Variants in SSC4D observed in about 807,000 individuals in gnomAD.
SSC4D encodes scavenger receptor cysteine-rich domain-containing group B protein.
SSC4D carries 57 observed loss-of-function variants against 63.4 expected under a neutral mutation model. The ratio of observed to expected loss-of-function variants is 0.90; its 90% CI spans 0.73 to 1.12. SSC4D has a LOEUF of 1.12. SSC4D is among the 50% of genes most tolerant of loss of function. The probability of loss-of-function intolerance (pLI) is 0.00; values close to 1 mark genes in which losing one functional copy is unlikely to be tolerated. For synonymous variants in SSC4D, 352 were observed against 345.4 expected (o/e 1.02, Z -0.21); for missense variants, 791 against 806.4 (o/e 0.98, Z 0.23).
intron 9 of SSC4D, among the ~76,000 whole-genome samples, 185 bp downstream of exon 9, chr7:76,393,220 T>A (rs1804532736): frequency 6.6e-6 from 1 of 151,926 alleles, no homozygotes; most frequent in Admixed American, 6.6e-5. Flanking sequence ...AGGCTCTCCG[T>A]TCCGGCCTCG....
chr7:76,408,955 C>T (rs1314708615), intron 1 of SSC4D, among the ~76,000 whole-genome samples: 5 of 152,208 alleles, frequency 3.3e-5, no homozygotes, highest in Non-Finnish European at 7.3e-5. Flanking sequence ...CAAAGCCTCA[C>T]TGTTCTCATC....
In SSC4D at chr7:76,390,346, G is replaced by A. The variant is rs768685581; in HGVS notation, c.1441C>T (p.Arg481Ter). The change falls in exon 11 of 11, where the codon CGA (arginine) becomes TGA (stop). Residue 481 changes from arginine to a stop codon, truncating the protein, a stop_gained. Coordinates refer to ENST00000275560, the MANE Select transcript of SSC4D (RefSeq NM_080744.2). LOFTEE classifies it high-confidence loss of function. Reference sequence around the variant, plus strand: ...TAGAGCTCTACACGTCCCTCGCATCGGTGGGCTCCATTGACCAGACGTAGA... The same window carrying A: ...TAGAGCTCTACACGTCCCTCGCATCAGTGGGCTCCATTGACCAGACGTAGA... Reference protein sequence around the residue: ...GHLRLVNGAHRCEGRVELYLG... With the variant: ...GHLRLVNGAH The A allele has an allele frequency of 2.2e-5, 36 of 1,602,522 alleles. No homozygotes were observed. Among genetic ancestry groups the A allele is most frequent in the South Asian group, 2.0e-4 (18 of 89,562 alleles).
At chr7:76,405,791 G>C (rs1172722927) in intron 1 of SSC4D, among the ~76,000 whole-genome samples, 2 of 152,028 alleles carry the variant, frequency 1.3e-5, no homozygotes, top group Admixed American at 6.6e-5. Flanking sequence ...GTGGGAGAGG[G>C]GGTTGGCAGG....
chr7:76,398,037 G>A (rs1167194583), intron 5 of SSC4D, among the ~76,000 whole-genome samples: 2 of 152,018 alleles, frequency 1.3e-5, no homozygotes, highest in African/African-American at 2.4e-5. Flanking sequence ...CCCCTACCCT[G>A]CTCCCTGTCT....
chr7:76,398,778 G>A lies in SSC4D; in HGVS notation c.495C>T (p.Pro165=), dbSNP rs1804722391. The A allele has an allele frequency of 6.2e-7, 1 of 1,612,800 alleles. No individual in the cohort carries two copies. The highest frequency in any genetic ancestry group is 1.1e-5 in the South Asian group (1 of 91,054). Residue 165 remains proline, a synonymous_variant, in exon 5 of 11, where the codon CCC becomes CCT. Transcript: ENST00000275560. ...TACTGGTTAACATCTTCCTTGTTGG[G>A]GGCTGCGTTGGCAAGAATTCTGGAA... The part of the protein sequence containing the change: ...VLCDEFLPTQ[P]PTRKMLTSRA...
intron 4 of SSC4D, among the ~76,000 whole-genome samples, chr7:76,400,071 T>C (rs541693375): frequency 6.6e-6 from 1 of 152,300 alleles, no homozygotes; most frequent in Admixed American, 6.5e-5. Flanking sequence ...GCAGTAGTGC[T>C]GGTTTTCTTT....
intron 6 of SSC4D, among the ~76,000 whole-genome samples, chr7:76,396,155 T>C (rs752961399): frequency 6.6e-6 from 1 of 151,782 alleles, no homozygotes; most frequent in Middle Eastern, 3.4e-3. Context: ...ATCTCTTGAG[T>C]GGGGAATGGG....
chr7:76,397,770 G>T lies in SSC4D; in HGVS notation c.616C>A (p.His206Asn). ...CACACGGTGCCCCACAGGCCACTGT[G>T]CAGGATCTCCACTCGGCCCTGACAC... ...NLCQGRVEILHSGLWGTVCDD... is the reference protein window; with the variant it reads ...NLCQGRVEILNSGLWGTVCDD... The change falls in exon 6 of 11, where the codon CAC (histidine) becomes AAC (asparagine). Residue 206 changes from histidine (H) to asparagine (N), a missense_variant. By Grantham distance (68) the His-to-Asn change is moderately conservative. Transcript: ENST00000275560. 1 of 1,611,954 alleles carries T rather than the reference G, an allele frequency of 6.2e-7. No individual in the cohort carries two copies. The highest frequency in any genetic ancestry group is 8.5e-7 in the Non-Finnish European group (1 of 1,178,946).
At chr7:76,394,381 A>G (rs976642555) in intron 7 of SSC4D, among the ~76,000 whole-genome samples, 1 of 149,422 alleles carries the variant, frequency 6.7e-6, no homozygotes, top group Non-Finnish European at 1.5e-5. Flanking sequence ...AAGTGCTAGG[A>G]CTGGTGCGAC....
chr7:76,408,558 T>C (rs1805122239), intron 1 of SSC4D, among the ~76,000 whole-genome samples: 2 of 152,094 alleles, frequency 1.3e-5, no homozygotes, highest in Admixed American at 6.6e-5. Context: ...CCAGAGACCC[T>C]GCCAGGAATC....
At chr7:76,392,606 C>T (rs1265354698) in intron 9 of SSC4D, among the ~76,000 whole-genome samples, 2 of 150,486 alleles carry the variant, frequency 1.3e-5, no homozygotes, top group East Asian at 1.9e-4. Flanking sequence ...GCCTGGGCAA[C>T]ACAGTGAGAC....
intron 1 of SSC4D, among the ~76,000 whole-genome samples, chr7:76,408,639 C>T (rs768529980): frequency 6.6e-6 from 1 of 152,160 alleles, no homozygotes; most frequent in Non-Finnish European, 1.5e-5. Flanking sequence ...CGATCCTGAT[C>T]CCCACAGATT....
At position 76,389,960 on chromosome 7, in the gene SSC4D, G is replaced by A. The variant is rs2115729630; in HGVS notation, c.*99C>T. On this transcript the variant is annotated 3_prime_UTR_variant, in exon 11 of 11. Coordinates refer to ENST00000275560, the MANE Select transcript of SSC4D (RefSeq NM_080744.2). ...CTCTCTCCCAGGCAAGGGAAGGAGG[G>A]GCAAAGTGAACTGTAGTCATCACAA... 1 of 1,504,162 alleles carries A rather than the reference G, an allele frequency of 6.6e-7. No homozygotes were observed. Among genetic ancestry groups the A allele is most frequent in the Non-Finnish European group, 9.1e-7 (1 of 1,097,426 alleles). The allele number at this position is 1,504,162 out of a possible 1,614,324, so 93.2% of individuals were successfully genotyped here.
In SSC4D at chr7:76,389,967, T is replaced by C; in HGVS notation, c.*92A>G. Reference sequence around the variant, plus strand: ...CCAGGCAAGGGAAGGAGGGGCAAAGTGAACTGTAGTCATCACAAGAGGAGG... The same window carrying C: ...CCAGGCAAGGGAAGGAGGGGCAAAGCGAACTGTAGTCATCACAAGAGGAGG... On this transcript the variant is annotated 3_prime_UTR_variant, in exon 11 of 11. Coordinates refer to ENST00000275560, the MANE Select transcript of SSC4D (RefSeq NM_080744.2). 6.5e-7 allele frequency: 1 copy of C among 1,530,448 alleles called. No individual in the cohort carries two copies. The highest frequency in any genetic ancestry group is 8.9e-7 in the Non-Finnish European group (1 of 1,119,116). 94.8% of individuals were successfully genotyped at this position (1,530,448 alleles called of 1,614,324 possible).
At position 76,400,330 on chromosome 7, in the gene SSC4D, A is replaced by ATCT; in HGVS notation, c.430_431insAGA (p.Val144delinsGluIle). 2.7e-6 allele frequency: 4 copies of ATCT among 1,504,526 alleles called. No homozygotes were observed. The highest frequency in any genetic ancestry group is 4.4e-5 in the Admixed American group (2 of 45,312). The allele number at this position is 1,504,526 out of a possible 1,614,324, so 93.2% of individuals were successfully genotyped here. On this transcript the variant is annotated protein_altering_variant, in exon 4 of 11. Coordinates refer to ENST00000275560, the MANE Select transcript of SSC4D (RefSeq NM_080744.2). Reference sequence around the variant, plus strand: ...ATCCTCGTAGTGAAAGCAATTGTGGACGCCCCAGCCGCGGCTGCCGCACTC... The same window carrying ATCT: ...ATCCTCGTAGTGAAAGCAATTGTGGATCTCGCCCCAGCCGCGGCTGCCGCACTC...
rs115986636 is a variant in SSC4D, at chr7:76,405,907, C to G, written c.-66-1402G>C. ...CTTTCCTTCCTTCCTTCTGTCCCTCCTTCCCTCCCTCTCTCCCTTTCTTGC... is the reference window on the plus strand; with the variant it reads ...CTTTCCTTCCTTCCTTCTGTCCCTCGTTCCCTCCCTCTCTCCCTTTCTTGC... On this transcript the variant is annotated intron_variant, in intron 1 of 10. Coordinates refer to ENST00000275560, the MANE Select transcript of SSC4D (RefSeq NM_080744.2). Among the ~76,000 whole-genome samples, 1,314 of 151,988 alleles carry G rather than the reference C, an allele frequency of 8.6e-3. 23 individuals are homozygous for G. Among genetic ancestry groups the G allele is most frequent in the African/African-American group, 0.03 (1,254 of 41,460 alleles).
rs562575415 is a variant in SSC4D, at chr7:76,389,771, G to C, written c.*288C>G. 3.5e-5 allele frequency: 16 copies of C among 461,558 alleles called. No homozygotes were observed. The highest frequency in any genetic ancestry group is 2.9e-4 in the African/African-American group (15 of 51,164). 28.6% of individuals were successfully genotyped at this position (461,558 alleles called of 1,614,324 possible). A position where few individuals can be genotyped will look rare whatever the true frequency, so the allele number is the denominator to read the frequency against. On this transcript the variant is annotated 3_prime_UTR_variant, in exon 11 of 11. Transcript: ENST00000275560. ...AAAAAGAGCCCCACCAAACAGAAGA[G>C]TTAGGAATCATCCTCTTCCCCTCGT...
At chr7:76,397,484 C>T in intron 6 of SSC4D, 34 bp downstream of exon 6, 1 of 1,454,334 alleles carries the variant, frequency 6.9e-7, no homozygotes, top group Non-Finnish European at 9.0e-7. Context: ...CGCCCACCTG[C>T]CCCGGCCCCG....
chr7:76,407,539 C>T (rs1805080071), intron 1 of SSC4D, among the ~76,000 whole-genome samples: 1 of 151,976 alleles, frequency 6.6e-6, no homozygotes, highest in Non-Finnish European at 1.5e-5. Context: ...CAAGACCGGC[C>T]TAGGCAACAT....
Sources: gnomAD v4.1 joint callset for allele counts (sites outside exome capture counted in the v4.1 genomes callset) on GRCh38, gnomAD v4.1.1 for gene constraint, MANE v1.5 for transcripts, NCBI Gene and HGNC (gene_info 2026-07-23, HGNC 2026-07-21) for gene names.